SLC9C2: variants seen among roughly 807,000 people sequenced by gnomAD.
SLC9C2 encodes solute carrier family 9 member C2 (putative), also known as sodium/hydrogen exchanger 11.
SLC9C2 carries 75 observed loss-of-function variants against 140.2 expected under a neutral mutation model. That is an observed-to-expected ratio of 0.53 (90% confidence interval 0.44 to 0.65). The LOEUF (loss-of-function observed/expected upper bound fraction) is 0.65. Ranked by LOEUF, SLC9C2 falls within the 30% of genes least tolerant of loss-of-function variation. The pLI, the probability that SLC9C2 is intolerant of heterozygous loss-of-function variation, is 0.00. For synonymous variants in SLC9C2, 375 were observed against 420.9 expected (o/e 0.89, Z 1.34); for missense variants, 1,074 against 1,331.8 (o/e 0.81, Z 3.01).
chr1:173,547,552 T>G (rs1237487521), intron 13 of SLC9C2, 137 bp downstream of exon 13: 1 of 615,766 alleles, frequency 1.6e-6, no homozygotes, highest in African/African-American at 1.9e-5. Context: ...TTTTTTAACT[T>G]TAACAAATCA....
intron 23 of SLC9C2, among the ~76,000 whole-genome samples, chr1:173,512,748 T>C (rs1660140404): frequency 6.6e-6 from 1 of 152,244 alleles, no homozygotes; most frequent in Admixed American, 6.5e-5. Flanking sequence ...AAGGAAATGC[T>C]TCCAGCTTTT....
chr1:173,508,179 A>G (rs1180314431), intron 24 of SLC9C2, among the ~76,000 whole-genome samples: 1 of 151,952 alleles, frequency 6.6e-6, no homozygotes, highest in African/African-American at 2.4e-5. Context: ...AAAAAAAATC[A>G]GCTGTTTTGG....
chr1:173,559,911 G>A (rs529599026), intron 9 of SLC9C2, among the ~76,000 whole-genome samples: 1 of 152,270 alleles, frequency 6.6e-6, no homozygotes, highest in South Asian at 2.1e-4. Flanking sequence ...TCTATAATCA[G>A]CAATGTTCTA....
intron 9 of SLC9C2, among the ~76,000 whole-genome samples, chr1:173,564,523 A>C (rs1664322905): frequency 6.6e-6 from 1 of 151,878 alleles, no homozygotes; most frequent in Non-Finnish European, 1.5e-5. Context: ...GTCTACTCAG[A>C]TCTTTTGCCC....
intron 11 of SLC9C2, 110 bp from the exon 12 acceptor site, chr1:173,548,662 CAG>C: frequency 8.3e-7 from 1 of 1,210,974 alleles, no homozygotes; most frequent in Non-Finnish European, 1.2e-6. Flanking sequence ...ACCTGCAAAC[CAG>C]AGTGGTTAGA....
rs765481351 is a variant in SLC9C2 at position 173,548,447 on chromosome 1, A to T, written c.1403T>A (p.Ile468Asn). Residue 468 changes from isoleucine to asparagine, a missense_variant, in exon 12 of 28, where the codon ATT becomes AAT. By Grantham distance (149) the Ile-to-Asn change is moderately radical. Transcript: ENST00000367714. ...NTITLFKTEK[I>N]LTNVNWTLVE... Reference sequence around the variant, plus strand: ...TAAGGTCCAGTTAACATTTGTCAAAATTTTTTCTGTTTTAAATAAAGTTAT... The same window carrying T: ...TAAGGTCCAGTTAACATTTGTCAAATTTTTTTCTGTTTTAAATAAAGTTAT... 4.7e-5 allele frequency: 76 copies of T among 1,613,652 alleles called. No homozygotes were observed. In the East Asian group the frequency reaches 7.6e-4, roughly 16 times the overall value.
chr1:173,521,408 G>T lies in SLC9C2; in HGVS notation c.2641-9C>A. ...GCAAGTTTGGCTCTTTCCTGAGTGGGAAAAAAAAAAACGAAAAGAAAAAGA... is the reference window on the plus strand; with the variant it reads ...GCAAGTTTGGCTCTTTCCTGAGTGGTAAAAAAAAAAACGAAAAGAAAAAGA... On this transcript the variant is annotated splice_polypyrimidine_tract_variant and intron_variant, in intron 21 of 27. Coordinates refer to ENST00000367714, the MANE Select transcript of SLC9C2 (RefSeq NM_178527.4). 3 of 1,130,994 alleles carry T rather than the reference G, an allele frequency of 2.7e-6. No individual in the cohort carries two copies. The highest frequency in any genetic ancestry group is 3.5e-6 in the Non-Finnish European group (3 of 867,318). The allele number at this position is 1,130,994 out of a possible 1,614,324, so 70.1% of individuals were successfully genotyped here. A position where few individuals can be genotyped will look rare whatever the true frequency, so the allele number is the denominator to read the frequency against.
intron 13 of SLC9C2, among the ~76,000 whole-genome samples, chr1:173,547,431 A>C (rs1662928296): frequency 1.3e-5 from 2 of 150,744 alleles, no homozygotes; most frequent in South Asian, 4.3e-4. Context: ...AGCACCAAAC[A>C]TTATTCTAAG....
intron 1 of SLC9C2, 63 bp from the exon 2 acceptor site, chr1:173,601,918 C>T (rs975204840): frequency 1.9e-6 from 2 of 1,030,924 alleles, no homozygotes; most frequent in African/African-American, 1.6e-5. Context: ...ACCATTTCTA[C>T]CTAAGATTGT....
chr1:173,542,580 C>T (rs549001776), intron 13 of SLC9C2, among the ~76,000 whole-genome samples: 76 of 152,238 alleles, frequency 5.0e-4, no homozygotes, highest in Middle Eastern at 6.8e-3. Flanking sequence ...AGACTAATAT[C>T]CCTGATGAAC....
intron 9 of SLC9C2, among the ~76,000 whole-genome samples, chr1:173,563,145 T>C (rs943504065): frequency 6.6e-6 from 1 of 151,334 alleles, no homozygotes; most frequent in Non-Finnish European, 1.5e-5. Context: ...GAAACAAGTA[T>C]CTGAGGAACT....
intron 7 of SLC9C2, 68 bp downstream of exon 7, chr1:173,581,779 C>A: frequency 7.6e-7 from 1 of 1,320,734 alleles, no homozygotes; most frequent in South Asian, 2.1e-5. Context: ...GATTCAAGAT[C>A]AGGAAAAAAT....
intron 4 of SLC9C2, among the ~76,000 whole-genome samples, chr1:173,595,452 T>C (rs375191919): frequency 2.8e-4 from 42 of 152,280 alleles, no homozygotes; most frequent in African/African-American, 9.1e-4. Flanking sequence ...TTTTGTACAC[T>C]TTTTATTGGC....
At chr1:173,554,677 A>G in intron 11 of SLC9C2, 56 bp downstream of exon 11, 1 of 1,130,308 alleles carries the variant, frequency 8.8e-7, no homozygotes, top group Admixed American at 1.8e-5. Context: ...ACACCCAACA[A>G]TAACCTGTTT....
At chr1:173,572,297 A>T (rs1305788762) in intron 9 of SLC9C2, among the ~76,000 whole-genome samples, 1 of 152,236 alleles carries the variant, frequency 6.6e-6, no homozygotes, top group East Asian at 1.9e-4. Flanking sequence ...AACAGCAGGT[A>T]GGCACCAATT....
At chr1:173,527,747 G>A (rs1661307877) in intron 18 of SLC9C2, among the ~76,000 whole-genome samples, 1 of 152,074 alleles carries the variant, frequency 6.6e-6, no homozygotes. Flanking sequence ...AATAATGCAT[G>A]GCATAGTGCT....
At chr1:173,539,740 G>C (rs763274433) in intron 13 of SLC9C2, among the ~76,000 whole-genome samples, 3 of 152,164 alleles carry the variant, frequency 2.0e-5, no homozygotes, top group Non-Finnish European at 4.4e-5. Flanking sequence ...GTTAAAAAGA[G>C]TTCATAGAGG....
chr1:173,502,115 T>C (rs1659319832), intron 27 of SLC9C2, among the ~76,000 whole-genome samples: 1 of 151,446 alleles, frequency 6.6e-6, no homozygotes, highest in Non-Finnish European at 1.5e-5. Flanking sequence ...CTACTAAAAA[T>C]ACAAAAAAGT....
chr1:173,564,968 CTTTTT>C (rs564120430), intron 9 of SLC9C2, among the ~76,000 whole-genome samples: 1 of 113,620 alleles, frequency 8.8e-6, no homozygotes. Flanking sequence ...TTTTCTTTTT[CTTTTT>C]TTTTTTTTTT....
Sources: allele counts gnomAD v4.1 joint callset (sites outside exome capture counted in the v4.1 genomes callset), GRCh38; gene constraint gnomAD v4.1.1; transcripts MANE v1.5; gene names NCBI Gene and HGNC (gene_info 2026-07-23, HGNC 2026-07-21).